The following WASF3 variants were observed in gnomAD, a reference collection of about 807,000 sequenced individuals.
The protein encoded by WASF3 is WASP family member 3.
WASF3 carries 11 observed loss-of-function variants against 46.6 expected under a neutral mutation model. That is an observed-to-expected ratio of 0.24 (90% CI 0.15 to 0.39). WASF3 has a LOEUF of 0.39. Among genes scored for constraint, WASF3 ranks in the 10% least tolerant of loss-of-function variants. WASF3 has a pLI of 1.00. For missense variants in WASF3, 576 were observed against 669.8 expected (o/e 0.86, Z 1.55); for synonymous variants, 242 against 259.7 (o/e 0.93, Z 0.65).
chr13:26,541,388 C>T, the WASF3 span, among the ~76,000 whole-genome samples: 1 of 152,204 alleles, frequency 6.6e-6, no homozygotes, highest in East Asian at 1.9e-4. Flanking sequence ...TGCTTAGCCT[C>T]TCTATGTCTT....
At chr13:26,567,692 CG>C (rs1267965029) in intron 1 of WASF3, among the ~76,000 whole-genome samples, 1 of 118,714 alleles carries the variant, frequency 8.4e-6, no homozygotes, top group Non-Finnish European at 1.7e-5. Flanking sequence ...AGCTAATAAA[CG>C]ACATTAAAAA....
At chr13:26,624,690 C>T (rs1881412442) in intron 2 of WASF3, among the ~76,000 whole-genome samples, 1 of 151,590 alleles carries the variant, frequency 6.6e-6, no homozygotes, top group Admixed American at 6.6e-5. Flanking sequence ...AATCAAGTTG[C>T]TGAAATACCC....
chr13:26,620,860 T>C (rs1295156810), intron 2 of WASF3, among the ~76,000 whole-genome samples: 1 of 152,204 alleles, frequency 6.6e-6, no homozygotes, highest in African/African-American at 2.4e-5. Context: ...TCCCAGAATG[T>C]CCTCTAAAAA....
At chr13:26,560,018 A>G (rs752911262) in intron 1 of WASF3, among the ~76,000 whole-genome samples, 1 of 151,518 alleles carries the variant, frequency 6.6e-6, no homozygotes, top group African/African-American at 2.4e-5. Context: ...CAGTTTCACC[A>G]TGTTGGACAG....
chr13:26,554,100 T>TTTCTTTCC (rs1879041316), upstream of WASF3, among the ~76,000 whole-genome samples: 1 of 98,322 alleles, frequency 1.0e-5, no homozygotes, highest in Admixed American at 1.1e-4. Flanking sequence ...TCCTTCCTTC[T>TTTCTTTCC]TTCTTTCTTT....
In WASF3 at chr13:26,564,900, G is replaced by GTTTTT. The variant is rs66809412; in HGVS notation, c.-109+7100_-109+7104dup. On this transcript the variant is annotated intron_variant, in intron 1 of 9. Transcript: ENST00000335327. Reference sequence around the variant, plus strand: ...AAAATATGTACATGACAAGGTTGTGGTTTTTTTTTTTTTTTTTTTTTTTGC... The same window carrying GTTTTT: ...AAAATATGTACATGACAAGGTTGTGGTTTTTTTTTTTTTTTTTTTTTTTTTTTTGC... Among the ~76,000 whole-genome samples, 104 of 81,600 alleles carry GTTTTT rather than the reference G, an allele frequency of 1.3e-3. 2 individuals are homozygous for GTTTTT. Among genetic ancestry groups the GTTTTT allele is most frequent in the African/African-American group, 1.7e-3 (35 of 20,858 alleles). 53.5% of individuals were successfully genotyped at this position (81,600 alleles called of 152,430 possible).
chr13:26,559,949 C>T (rs1327743474), intron 1 of WASF3, among the ~76,000 whole-genome samples: 1 of 150,708 alleles, frequency 6.6e-6, no homozygotes, highest in Non-Finnish European at 1.5e-5. Flanking sequence ...TCCCGAGTAG[C>T]TGGGAGTACA....
intron 2 of WASF3, among the ~76,000 whole-genome samples, chr13:26,623,071 A>G (rs1275321552): frequency 6.6e-6 from 1 of 152,220 alleles, no homozygotes; most frequent in Non-Finnish European, 1.5e-5. Context: ...ACAGGTAACC[A>G]TCATAGAAGT....
intron 1 of WASF3, among the ~76,000 whole-genome samples, chr13:26,586,091 A>G (rs1463442975): frequency 1.3e-5 from 2 of 152,268 alleles, no homozygotes; most frequent in Non-Finnish European, 2.9e-5. Context: ...AAAATACCTC[A>G]TTTGATATAT....
intron 1 of WASF3, among the ~76,000 whole-genome samples, chr13:26,559,813 T>TC (rs1167729886): frequency 1.1e-5 from 1 of 93,284 alleles, no homozygotes; most frequent in Non-Finnish European, 2.2e-5. Flanking sequence ...TCTTTCTTTT[T>TC]TTTTTTTTTT....
chr13:26,673,466 A>G (rs915819918), intron 6 of WASF3, among the ~76,000 whole-genome samples: 1 of 152,202 alleles, frequency 6.6e-6, no homozygotes, highest in Non-Finnish European at 1.5e-5. Context: ...GGAGAGGACA[A>G]TATAGTGAGG....
upstream of WASF3, among the ~76,000 whole-genome samples, chr13:26,554,081 TTCCTTCC>T (rs1879034871): frequency 1.7e-5 from 2 of 114,834 alleles, no homozygotes; most frequent in African/African-American, 3.6e-5. Context: ...CCTTCCTTCC[TTCCTTCC>T]TTCCTTCCTT....
At chr13:26,625,090 T>A (rs1881424917) in intron 2 of WASF3, among the ~76,000 whole-genome samples, 1 of 152,146 alleles carries the variant, frequency 6.6e-6, no homozygotes, top group Non-Finnish European at 1.5e-5. Context: ...ATATGTTATA[T>A]TTTTTCTTAT....
chr13:26,578,096 A>G (rs1393566503), intron 1 of WASF3, among the ~76,000 whole-genome samples: 1 of 152,128 alleles, frequency 6.6e-6, no homozygotes, highest in Non-Finnish European at 1.5e-5. Context: ...TCCAATCTAG[A>G]TACTTTCTCC....
intron 2 of WASF3, among the ~76,000 whole-genome samples, chr13:26,621,804 T>C (rs1881314505): frequency 6.6e-6 from 1 of 152,094 alleles, no homozygotes; most frequent in African/African-American, 2.4e-5. Context: ...GGCCCTTCCT[T>C]TGGCGGTGGG....
At chr13:26,540,028 T>C in the WASF3 span, among the ~76,000 whole-genome samples, 4 of 152,006 alleles carry the variant, frequency 2.6e-5, no homozygotes, top group Non-Finnish European at 5.9e-5. Context: ...AGTGCAGGCA[T>C]TGAAGATGTC....
intron 3 of WASF3, among the ~76,000 whole-genome samples, chr13:26,653,096 T>A (rs1882362972): frequency 6.6e-6 from 1 of 152,164 alleles, no homozygotes; most frequent in Admixed American, 6.5e-5. Context: ...TCTGACACAT[T>A]GCACGCTGAT....
At chr13:26,562,913 TTTTC>T (rs1428011516) in intron 1 of WASF3, among the ~76,000 whole-genome samples, 1 of 95,722 alleles carries the variant, frequency 1.0e-5, no homozygotes, top group Non-Finnish European at 2.1e-5. Flanking sequence ...TTCTTTTCTC[TTTTC>T]TTTTCTTTTC....
At chr13:26,564,206 A>G (rs762167737) in intron 1 of WASF3, among the ~76,000 whole-genome samples, 16 of 152,336 alleles carry the variant, frequency 1.1e-4, no homozygotes, top group Middle Eastern at 3.4e-3. Flanking sequence ...GTGAGGTAAA[A>G]CAGGATAGAT....
Sources: allele counts gnomAD v4.1 joint callset (sites outside exome capture counted in the v4.1 genomes callset), GRCh38; gene constraint gnomAD v4.1.1; transcripts MANE v1.5; gene names NCBI Gene and HGNC (gene_info 2026-07-23, HGNC 2026-07-21).